The following HMGCLL1 variants were observed in gnomAD, a reference collection of about 807,000 sequenced individuals.
The protein encoded by HMGCLL1 is 3-hydroxy-3-methylglutaryl-CoA lyase like 1, also known as 3-hydroxymethyl-3-methylglutaryl-CoA lyase, cytoplasmic.
Under a neutral mutation model 39.1 loss-of-function variants are expected in HMGCLL1, and 36 were observed. The ratio of observed to expected loss-of-function variants is 0.92; its 90% confidence interval spans 0.71 to 1.22. HMGCLL1 has a LOEUF of 1.22. HMGCLL1 is among the 50% of genes most tolerant of loss of function. The pLI, the probability that HMGCLL1 is intolerant of heterozygous loss-of-function variation, is 0.00. For synonymous variants in HMGCLL1, 149 were observed against 144.0 expected (o/e 1.03, Z -0.25); for missense variants, 451 against 416.5 (o/e 1.08, Z -0.72).
chr6:55,613,195 G>A, the HMGCLL1 span, among the ~76,000 whole-genome samples: 1 of 151,982 alleles, frequency 6.6e-6, no homozygotes, highest in Non-Finnish European at 1.5e-5. Context: ...TATGAAAAAA[G>A]GTCAACATCA....
At chr6:55,540,024 GGGAGGGAGGGAGGGAGGGAGGGAGGGAA>G (rs1769317528) in intron 3 of HMGCLL1, among the ~76,000 whole-genome samples, 2 of 63,316 alleles carry the variant, frequency 3.2e-5, no homozygotes, top group Non-Finnish European at 6.7e-5. Context: ...GAGGGAGGGA[GGGAGGGAGGGAGGGAGGGAGGGAGGGAA>G]GGAAGCAAAG....
At chr6:55,610,707 C>A in the HMGCLL1 span, among the ~76,000 whole-genome samples, 500 of 151,958 alleles carry the variant, frequency 3.3e-3, 4 homozygotes, top group Middle Eastern at 0.01. Context: ...ACTCTATGAG[C>A]AGATCAACAC....
At chr6:55,604,801 G>A in the HMGCLL1 span, among the ~76,000 whole-genome samples, 1 of 152,126 alleles carries the variant, frequency 6.6e-6, no homozygotes, top group Admixed American at 6.6e-5. Flanking sequence ...AGTTATGTTA[G>A]TACTTCATAA....
chr6:55,554,356 T>G (rs1021172510), intron 1 of HMGCLL1, among the ~76,000 whole-genome samples: 4 of 152,066 alleles, frequency 2.6e-5, no homozygotes, highest in African/African-American at 7.2e-5. Context: ...ATCTAAAATT[T>G]TTTAAATTGT....
chr6:55,448,034 C>T (rs12195626), intron 7 of HMGCLL1, among the ~76,000 whole-genome samples: 18,556 of 152,136 alleles, frequency 0.12, 1,377 homozygotes, highest in Admixed American at 0.17. Flanking sequence ...ATGAGACTTT[C>T]TGAAAAGTTT....
the HMGCLL1 span, among the ~76,000 whole-genome samples, chr6:55,645,163 T>C: frequency 7.9e-5 from 12 of 151,998 alleles, no homozygotes; most frequent in Non-Finnish European, 1.2e-4. Flanking sequence ...TTTGTGACTA[T>C]TGTAAATGAG....
rs138032013 is a variant in HMGCLL1 at position 55,566,398 on chromosome 6, T to C, written c.108+12550A>G. 3.1e-3 allele frequency: 838 copies of C among 271,580 alleles called. 11 individuals are homozygous for C. The highest frequency in any genetic ancestry group is 0.017 in the African/African-American group (771 of 45,572). 16.8% of individuals were successfully genotyped at this position (271,580 alleles called of 1,614,324 possible). Reference sequence around the variant, plus strand: ...AGAATAAAACTTGTGTTAAAGGCGTTTTTATGTAGTTGAAGTTTTCTGCCA... The same window carrying C: ...AGAATAAAACTTGTGTTAAAGGCGTCTTTATGTAGTTGAAGTTTTCTGCCA... On this transcript the variant is annotated intron_variant, in intron 1 of 8. Coordinates refer to ENST00000274901, the MANE Select transcript of HMGCLL1 (RefSeq NM_001042406.2).
At chr6:55,468,649 G>C (rs930291454) in intron 7 of HMGCLL1, among the ~76,000 whole-genome samples, 9 of 151,888 alleles carry the variant, frequency 5.9e-5, no homozygotes, top group African/African-American at 2.2e-4. Context: ...CAGCTCACAA[G>C]TACAAACTTT....
intron 1 of HMGCLL1, among the ~76,000 whole-genome samples, chr6:55,564,094 C>T (rs946384689): frequency 6.6e-6 from 1 of 152,078 alleles, no homozygotes; most frequent in African/African-American, 2.4e-5. Flanking sequence ...CACAGTGTGA[C>T]TGGCTCTGGG....
chr6:55,674,417 A>T, the HMGCLL1 span, among the ~76,000 whole-genome samples: 2 of 151,954 alleles, frequency 1.3e-5, no homozygotes, highest in Non-Finnish European at 2.9e-5. Flanking sequence ...AGAAAAAAAA[A>T]TTTGAAAAAT....
intron 3 of HMGCLL1, among the ~76,000 whole-genome samples, chr6:55,526,513 T>C (rs1467576814): frequency 2.6e-5 from 4 of 152,158 alleles, no homozygotes; most frequent in Admixed American, 6.6e-5. Context: ...TGAAATAAGA[T>C]TTAATAAATG....
At chr6:55,566,207 A>G (rs112982048) in intron 1 of HMGCLL1, among the ~76,000 whole-genome samples, 2,959 of 152,222 alleles carry the variant, frequency 0.019, 45 homozygotes, top group South Asian at 0.083. Flanking sequence ...GAGCCACTCC[A>G]CTTCCTTCAA....
chr6:55,542,955 AATAATAT>A (rs1377855706), intron 1 of HMGCLL1, among the ~76,000 whole-genome samples: 5 of 121,274 alleles, frequency 4.1e-5, no homozygotes, highest in Non-Finnish European at 8.1e-5. Context: ...AGTGTATATA[AATAATAT>A]ATAATATATA....
chr6:55,647,883 A>G, the HMGCLL1 span, among the ~76,000 whole-genome samples: 1 of 119,096 alleles, frequency 8.4e-6, no homozygotes, highest in Non-Finnish European at 1.7e-5. Context: ...TGTGTCATCT[A>G]GCATTAGGTA....
intron 1 of HMGCLL1, among the ~76,000 whole-genome samples, chr6:55,547,625 A>G (rs1055294153): frequency 3.9e-5 from 6 of 152,000 alleles, no homozygotes; most frequent in Admixed American, 3.9e-4. Context: ...TGATGTTCCA[A>G]TCAAATGTTC....
At chr6:55,675,934 A>G in the HMGCLL1 span, among the ~76,000 whole-genome samples, 2 of 152,210 alleles carry the variant, frequency 1.3e-5, no homozygotes, top group Admixed American at 1.3e-4. Context: ...AATTGTTAGT[A>G]ATACAATCAT....
chr6:55,621,984 C>T, the HMGCLL1 span, among the ~76,000 whole-genome samples: 1 of 151,768 alleles, frequency 6.6e-6, no homozygotes. Context: ...TTATAGAGAA[C>T]TTTCTCTTCT....
chr6:55,671,211 C>G, the HMGCLL1 span, among the ~76,000 whole-genome samples: 1 of 151,676 alleles, frequency 6.6e-6, no homozygotes, highest in South Asian at 2.1e-4. Context: ...TGTTACGTTT[C>G]TTGGTAAAAG....
At chr6:55,516,262 C>CA (rs1249924519) in intron 4 of HMGCLL1, among the ~76,000 whole-genome samples, 3 of 151,964 alleles carry the variant, frequency 2.0e-5, no homozygotes, top group African/African-American at 7.2e-5. Flanking sequence ...AGAAATTTCA[C>CA]AAAAAAATGC....
Sources: allele counts gnomAD v4.1 joint callset (sites outside exome capture counted in the v4.1 genomes callset), GRCh38; gene constraint gnomAD v4.1.1; transcripts MANE v1.5; gene names NCBI Gene and HGNC (gene_info 2026-07-23, HGNC 2026-07-21).